The following NRG1 variants were observed in gnomAD, a reference collection of about 807,000 sequenced individuals.
The protein encoded by NRG1 is neuregulin 1, also known as pro-neuregulin-1, membrane-bound isoform.
NRG1 carries 18 observed loss-of-function variants against 63.8 expected under a neutral mutation model. The observed-to-expected ratio is 0.28, with a 90% CI of 0.19 to 0.42. The LOEUF (loss-of-function observed/expected upper bound fraction) is 0.42. Among genes scored for constraint, NRG1 ranks in the 10% least tolerant of loss-of-function variants. The pLI, the probability that NRG1 is intolerant of heterozygous loss-of-function variation, is 1.00. For synonymous variants in NRG1, 302 were observed against 301.3 expected, an observed-to-expected ratio of 1.00 and a Z score of -0.02; for missense variants, 762 against 814.7, an observed-to-expected ratio of 0.94 and a Z score of 0.79.
At chr8:32,153,802 A>C (rs1837762102) in intron 1 of NRG1, among the ~76,000 whole-genome samples, 1 of 152,218 alleles carries the variant, frequency 6.6e-6, no homozygotes, top group Admixed American at 6.5e-5. Flanking sequence ...TGGATATCAA[A>C]AGAAATCTAA....
intron 1 of NRG1, among the ~76,000 whole-genome samples, chr8:32,530,158 A>C (rs1831300216): frequency 6.6e-6 from 1 of 151,056 alleles, no homozygotes; most frequent in Non-Finnish European, 1.5e-5. Flanking sequence ...CCCAGGCTGG[A>C]GTGCAGTGGT....
chr8:31,882,216 A>G (rs77501082), intron 1 of NRG1, among the ~76,000 whole-genome samples: 1,842 of 151,122 alleles, frequency 0.012, 44 homozygotes, highest in African/African-American at 0.043. Context: ...TATTAAATCT[A>G]TCCTGCCTGT....
At chr8:31,987,435 C>CT (rs1446108532) in intron 1 of NRG1, among the ~76,000 whole-genome samples, 1 of 148,676 alleles carries the variant, frequency 6.7e-6, no homozygotes, top group Non-Finnish European at 1.5e-5. Flanking sequence ...AAATCATGTC[C>CT]TTTGTAGCAA....
intron 1 of NRG1, among the ~76,000 whole-genome samples, chr8:32,529,161 A>G (rs1473242247): frequency 6.6e-6 from 1 of 152,248 alleles, no homozygotes; most frequent in Admixed American, 6.5e-5. Context: ...GCCTGCTACT[A>G]TACTGAACAC....
At chr8:32,756,448 G>T in exon 9 of NRG1, 1 of 1,613,696 alleles carries the variant, frequency 6.2e-7, no homozygotes, top group Non-Finnish European at 8.5e-7. Flanking sequence ...AGAGCCTTCG[G>T]TCTGAACGAA....
At chr8:31,850,070 G>T (rs1425541420) in intron 1 of NRG1, among the ~76,000 whole-genome samples, 5 of 152,080 alleles carry the variant, frequency 3.3e-5, no homozygotes, top group Admixed American at 2.0e-4. Flanking sequence ...TCTGTCTCTT[G>T]ATGGGTATCA....
chr8:31,653,220 A>T (rs1466217369), intron 1 of NRG1, among the ~76,000 whole-genome samples: 1 of 152,046 alleles, frequency 6.6e-6, no homozygotes, highest in African/African-American at 2.4e-5. Flanking sequence ...TTTTAACAAG[A>T]AGTAGTAAAT....
intron 1 of NRG1, among the ~76,000 whole-genome samples, chr8:32,083,693 A>G (rs191043508): frequency 1.8e-5 from 2 of 112,772 alleles, no homozygotes; most frequent in Admixed American, 2.1e-4. Context: ...TAAATTTTAC[A>G]TTAGATAACA....
At chr8:32,005,146 G>A (rs868062582) in intron 1 of NRG1, among the ~76,000 whole-genome samples, 8 of 151,702 alleles carry the variant, frequency 5.3e-5, no homozygotes, top group Admixed American at 2.6e-4. Context: ...AGAGAGGAAG[G>A]AAGGAGGGAG....
At chr8:32,756,355 A>G in intron 8 of NRG1, 48 bp from the exon 9 acceptor site, 1 of 1,592,308 alleles carries the variant, frequency 6.3e-7, no homozygotes, top group Non-Finnish European at 8.5e-7. Flanking sequence ...CTCTACTATG[A>G]AATGAAAATA....
intron 1 of NRG1, among the ~76,000 whole-genome samples, chr8:32,473,529 T>C (rs1824103802): frequency 6.6e-6 from 1 of 152,208 alleles, no homozygotes; most frequent in African/African-American, 2.4e-5. Context: ...CTCAGTCTTT[T>C]ATTCTCTAAT....
intron 1 of NRG1, among the ~76,000 whole-genome samples, chr8:32,376,196 G>A (rs1809602422): frequency 6.6e-6 from 1 of 152,136 alleles, no homozygotes; most frequent in African/African-American, 2.4e-5. Flanking sequence ...TATAATTATT[G>A]GTGTTAGGCT....
intron 1 of NRG1, among the ~76,000 whole-genome samples, chr8:31,904,700 A>G (rs1056056231): frequency 4.6e-5 from 7 of 152,234 alleles, no homozygotes; most frequent in Admixed American, 3.3e-4. Flanking sequence ...GCAGTCATTA[A>G]AAAGAACAAG....
chr8:32,410,607 C>A (rs972174065), intron 1 of NRG1, among the ~76,000 whole-genome samples: 2 of 152,086 alleles, frequency 1.3e-5, no homozygotes, highest in South Asian at 4.2e-4. Context: ...AGCACATGAC[C>A]ATTAGTCTTT....
intron 1 of NRG1, among the ~76,000 whole-genome samples, chr8:32,385,112 C>T (rs753746713): frequency 6.6e-6 from 1 of 152,166 alleles, no homozygotes; most frequent in Non-Finnish European, 1.5e-5. Flanking sequence ...CTCCGCCTCC[C>T]AGGTGCATGC....
intron 1 of NRG1, among the ~76,000 whole-genome samples, chr8:31,663,293 G>A (rs1178206768): frequency 6.6e-6 from 1 of 152,194 alleles, no homozygotes; most frequent in East Asian, 1.9e-4. Flanking sequence ...AAGTAGTTAA[G>A]TATTCAAAAC....
chr8:32,411,938 T>G (rs991589350), intron 1 of NRG1, among the ~76,000 whole-genome samples: 1 of 152,196 alleles, frequency 6.6e-6, no homozygotes, highest in Non-Finnish European at 1.5e-5. Context: ...GTCAGTGTTA[T>G]GTATGAACTT....
At chr8:32,641,279 CA>C (rs1852346529) in intron 5 of NRG1, among the ~76,000 whole-genome samples, 1 of 152,048 alleles carries the variant, frequency 6.6e-6, no homozygotes, top group Non-Finnish European at 1.5e-5. Flanking sequence ...GGGTAGCCGA[CA>C]CATAACAAAG....
At chr8:32,000,430 C>A (rs1401208286) in intron 1 of NRG1, among the ~76,000 whole-genome samples, 1 of 151,732 alleles carries the variant, frequency 6.6e-6, no homozygotes, top group Non-Finnish European at 1.5e-5. Flanking sequence ...CCATGCCTGG[C>A]TAATATTTTA....
Sources: gnomAD v4.1 joint callset for allele counts (sites outside exome capture counted in the v4.1 genomes callset) on GRCh38, gnomAD v4.1.1 for gene constraint, MANE v1.5 for transcripts, NCBI Gene and HGNC (gene_info 2026-07-23, HGNC 2026-07-21) for gene names.